FRMPD4: variants seen among roughly 807,000 people sequenced by gnomAD.
FRMPD4 encodes FERM and PDZ domain-containing protein 4.
Under a neutral mutation model 94.1 loss-of-function variants are expected in FRMPD4, and 22 were observed. The observed-to-expected ratio is 0.23, with a 90% CI of 0.17 to 0.33. The LOEUF (loss-of-function observed/expected upper bound fraction) is 0.33, where lower values mean the gene tolerates loss of function less well. FRMPD4 is among the 10% of genes least tolerant of loss of function. The probability of loss-of-function intolerance (pLI) is 1.00; values close to 1 mark genes in which losing one functional copy is unlikely to be tolerated. For synonymous variants in FRMPD4, 631 were observed against 548.6 expected (o/e 1.15, Z -2.10); for missense variants, 1,111 against 1,339.9 (o/e 0.83, Z 2.67).
chrX:12,072,304 A>G (rs1287526168), intron 3 of FRMPD4, among the ~76,000 whole-genome samples: 1 of 112,303 alleles, frequency 8.9e-6, no homozygotes, highest in Non-Finnish European at 1.9e-5. Context: ...CTGTTTATTA[A>G]GAGAGGAATG....
chrX:12,195,510 C>A (rs753978609), intron 1 of FRMPD4, among the ~76,000 whole-genome samples: 1 of 112,131 alleles, frequency 8.9e-6, no homozygotes, highest in South Asian at 3.7e-4. Flanking sequence ...AAGGAAGCAA[C>A]CTGTGTACAG....
intron 2 of FRMPD4, among the ~76,000 whole-genome samples, chrX:12,543,114 T>A (rs1490630155): frequency 9.0e-6 from 1 of 111,428 alleles, no homozygotes; most frequent in East Asian, 2.8e-4. Context: ...ACTTACATGT[T>A]AGACCTAAAA....
intron 2 of FRMPD4, among the ~76,000 whole-genome samples, chrX:12,597,973 T>C (rs1451680728): frequency 8.9e-6 from 1 of 112,547 alleles, no homozygotes; most frequent in Non-Finnish European, 1.9e-5. Flanking sequence ...GTGGAAAATA[T>C]GTCTTATCCG....
At chrX:12,102,371 G>A (rs1356864448) in intron 3 of FRMPD4, among the ~76,000 whole-genome samples, 1 of 111,670 alleles carries the variant, frequency 9.0e-6, no homozygotes, top group Non-Finnish European at 1.9e-5. Flanking sequence ...GTTGTCTTGT[G>A]ATTTGTGTGC....
intron 1 of FRMPD4, among the ~76,000 whole-genome samples, chrX:12,273,743 A>G (rs923582273): frequency 6.2e-5 from 7 of 112,096 alleles, no homozygotes; most frequent in African/African-American, 2.3e-4. Flanking sequence ...GAAAATCTGT[A>G]TGTGGCTCTT....
intron 1 of FRMPD4, among the ~76,000 whole-genome samples, chrX:12,443,039 A>C (rs1205550411): frequency 1.8e-5 from 2 of 111,731 alleles, no homozygotes; most frequent in Non-Finnish European, 3.8e-5. Context: ...GCAAATCCAC[A>C]GAGACAAGGA....
At chrX:12,661,793 A>G (rs2059716625) in intron 4 of FRMPD4, among the ~76,000 whole-genome samples, 1 of 111,943 alleles carries the variant, frequency 8.9e-6, no homozygotes, top group Non-Finnish European at 1.9e-5. Context: ...GATAATTATA[A>G]TCTCTCTTCA....
chrX:12,068,569 A>G (rs1487817260), intron 3 of FRMPD4, among the ~76,000 whole-genome samples: 3 of 111,817 alleles, frequency 2.7e-5, no homozygotes, highest in African/African-American at 9.8e-5. Flanking sequence ...CTGCTTTCCC[A>G]CTGCTGAAGT....
At chrX:12,414,216 T>C (rs1340925748) in intron 1 of FRMPD4, among the ~76,000 whole-genome samples, 1 of 112,593 alleles carries the variant, frequency 8.9e-6, no homozygotes, top group Non-Finnish European at 1.9e-5. Flanking sequence ...ACTAATCCTA[T>C]CCACACAACA....
intron 3 of FRMPD4, among the ~76,000 whole-genome samples, chrX:11,991,845 G>GAT (rs1348250248): frequency 8.9e-6 from 1 of 112,112 alleles, no homozygotes; most frequent in Non-Finnish European, 1.9e-5. Flanking sequence ...CAGAGTAGGA[G>GAT]ATAACAATAC....
chrX:12,204,071 C>T (rs5979549), intron 1 of FRMPD4, among the ~76,000 whole-genome samples: 3,775 of 112,127 alleles, frequency 0.034, 151 homozygotes, highest in African/African-American at 0.12. Context: ...AATTCTCTGT[C>T]GCTAGTGGTT....
chrX:11,941,581 G>T (rs953141118), intron 3 of FRMPD4, among the ~76,000 whole-genome samples: 4 of 112,016 alleles, frequency 3.6e-5, no homozygotes, highest in Non-Finnish European at 7.5e-5. Flanking sequence ...ATTCTAAAAT[G>T]TGTTTAAGAA....
In FRMPD4 at chrX:12,706,925, T is replaced by C; in HGVS notation, c.1287+10T>C. ...CAAGGCAACATTAGTGGTAATTTCTTTTTTTTTTTTTTTTTTGCTTTCTCT... is the reference window on the plus strand; with the variant it reads ...CAAGGCAACATTAGTGGTAATTTCTCTTTTTTTTTTTTTTTTGCTTTCTCT... On this transcript the variant is annotated intron_variant, in intron 12 of 16. Transcript: ENST00000675598. 2.5e-6 allele frequency: 1 copy of C among 396,168 alleles called. No homozygotes were observed. The highest frequency in any genetic ancestry group is 3.6e-6 in the Non-Finnish European group (1 of 275,089). 32.6% of individuals were successfully genotyped at this position (396,168 alleles called of 1,213,427 possible).
chrX:12,097,339 G>A (rs1009969614), intron 3 of FRMPD4, among the ~76,000 whole-genome samples: 1 of 112,105 alleles, frequency 8.9e-6, no homozygotes, highest in South Asian at 3.7e-4. Context: ...AGCCTGGTAG[G>A]TGAACCTTAA....
At chrX:12,024,552 G>T (rs879089301) in intron 3 of FRMPD4, among the ~76,000 whole-genome samples, 1 of 111,778 alleles carries the variant, frequency 8.9e-6, no homozygotes, top group Non-Finnish European at 1.9e-5. Flanking sequence ...ATAATATCAA[G>T]AAAATCCATG....
chrX:11,873,301 G>T (rs1431487393), intron 2 of FRMPD4, among the ~76,000 whole-genome samples: 1 of 110,902 alleles, frequency 9.0e-6, no homozygotes, highest in African/African-American at 3.3e-5. Flanking sequence ...GATTTCATTT[G>T]CATATTATAC....
intron 3 of FRMPD4, among the ~76,000 whole-genome samples, chrX:11,996,199 T>G (rs1446972871): frequency 8.9e-6 from 1 of 112,130 alleles, no homozygotes; most frequent in African/African-American, 3.2e-5. Context: ...CACAATGTGC[T>G]GCCTCTTTGA....
At chrX:12,478,869 G>A (rs762847670) in intron 1 of FRMPD4, among the ~76,000 whole-genome samples, 4 of 111,640 alleles carry the variant, frequency 3.6e-5, no homozygotes, top group African/African-American at 9.7e-5. Flanking sequence ...TTTAAAAGGT[G>A]TAGACTGAAA....
At chrX:12,586,023 G>C (rs961110907) in intron 2 of FRMPD4, among the ~76,000 whole-genome samples, 1 of 112,285 alleles carries the variant, frequency 8.9e-6, no homozygotes, top group Non-Finnish European at 1.9e-5. Flanking sequence ...TTCAGGAAGA[G>C]CCTATTCAGA....
Sources: allele counts gnomAD v4.1 joint callset (sites outside exome capture counted in the v4.1 genomes callset), GRCh38; gene constraint gnomAD v4.1.1; transcripts MANE v1.5; gene names NCBI Gene and HGNC (gene_info 2026-07-23, HGNC 2026-07-21).